Variants in NLRP1 observed in about 807,000 individuals in gnomAD.
The protein encoded by NLRP1 is NACHT, LRR and PYD domains-containing protein 1.
NLRP1 carries 94 observed loss-of-function variants against 136.7 expected under a neutral mutation model. The ratio of observed to expected loss-of-function variants is 0.69; its 90% confidence interval spans 0.58 to 0.82. The LOEUF (loss-of-function observed/expected upper bound fraction) is 0.82. Among genes scored for constraint, NLRP1 ranks in the 40% least tolerant of loss-of-function variants. The pLI, the probability that NLRP1 is intolerant of heterozygous loss-of-function variation, is 0.00. For synonymous variants in NLRP1, 690 were observed against 725.1 expected (o/e 0.95, Z 0.78); for missense variants, 1,575 against 1,802.7 (o/e 0.87, Z 2.29).
At chr17:5,520,675 C>A (rs1265453833) in intron 14 of NLRP1, among the ~76,000 whole-genome samples, 2 of 152,340 alleles carry the variant, frequency 1.3e-5, no homozygotes, top group South Asian at 4.1e-4. Flanking sequence ...CCCCATCATC[C>A]TTCACATCCT....
intron 5 of NLRP1, among the ~76,000 whole-genome samples, chr17:5,545,135 G>C (rs1322546460): frequency 6.6e-6 from 1 of 152,056 alleles, no homozygotes; most frequent in Non-Finnish European, 1.5e-5. Context: ...AGGAATTTAA[G>C]GTCAGCTGCA....
chr17:5,556,227 C>T (rs886709543), intron 4 of NLRP1, among the ~76,000 whole-genome samples: 1 of 151,896 alleles, frequency 6.6e-6, no homozygotes, highest in Non-Finnish European at 1.5e-5. Context: ...AGGTGAGCAG[C>T]TTGCTTGAGC....
chr17:5,579,551 G>C (rs1322112672), intron 3 of NLRP1, among the ~76,000 whole-genome samples: 1 of 152,168 alleles, frequency 6.6e-6, no homozygotes, highest in African/African-American at 2.4e-5. Context: ...AAAGAACTCT[G>C]AACTATCATT....
At chr17:5,521,378 G>A (rs1908878266) in intron 13 of NLRP1, 146 bp downstream of exon 13, 1 of 785,686 alleles carries the variant, frequency 1.3e-6, no homozygotes, top group Non-Finnish European at 2.1e-6. Context: ...ACTGAGAGGG[G>A]ACGAATTGTT....
chr17:5,559,078 G>GA lies in NLRP1; in HGVS notation c.1617_1618insT (p.Leu540SerfsTer38). 3 of 1,614,188 alleles carry GA rather than the reference G, an allele frequency of 1.9e-6. No homozygotes were observed. The highest frequency in any genetic ancestry group is 2.5e-6 in the Non-Finnish European group (3 of 1,180,034). Reference sequence around the variant, plus strand: ...GTGGTGGTCTTGGAAGTCAGTGTGAGTTTTTCCTTCCGCTTCATCTGCTGC... The same window carrying GA: ...GTGGTGGTCTTGGAAGTCAGTGTGAGATTTTTCCTTCCGCTTCATCTGCTGC... On this transcript the variant is annotated frameshift_variant, in exon 4 of 17. Transcript: ENST00000572272. LOFTEE classifies it high-confidence loss of function.
At chr17:5,539,229 C>G (rs926137715) in intron 7 of NLRP1, among the ~76,000 whole-genome samples, 186 bp downstream of exon 7, 5 of 152,196 alleles carry the variant, frequency 3.3e-5, no homozygotes, top group African/African-American at 1.2e-4. Context: ...GTATGATACT[C>G]CCATTCCACA....
chr17:5,571,030 T>C (rs1357774930), intron 3 of NLRP1, among the ~76,000 whole-genome samples: 7 of 152,182 alleles, frequency 4.6e-5, no homozygotes, highest in Admixed American at 4.6e-4. Context: ...TCTCAATAGA[T>C]GCAGAAAAAG....
At chr17:5,560,774 A>G (rs1402403799) in intron 3 of NLRP1, among the ~76,000 whole-genome samples, 2 of 152,094 alleles carry the variant, frequency 1.3e-5, no homozygotes, top group Non-Finnish European at 2.9e-5. Flanking sequence ...TCCCCGCCTC[A>G]CCATTCTCTC....
At chr17:5,509,302 A>G (rs1907507788), downstream of NLRP1, among the ~76,000 whole-genome samples, 1 of 152,122 alleles carries the variant, frequency 6.6e-6, no homozygotes, top group Non-Finnish European at 1.5e-5. Flanking sequence ...CTGACACAAC[A>G]CAGGTAATCA....
intron 14 of NLRP1, among the ~76,000 whole-genome samples, chr17:5,520,667 C>T (rs1212147441): frequency 6.6e-6 from 1 of 152,204 alleles, no homozygotes; most frequent in Non-Finnish European, 1.5e-5. Context: ...AAGTCAAACC[C>T]CATCATCCTT....
At position 5,581,992 on chromosome 17, in the gene NLRP1, T is replaced by C; in HGVS notation, c.519A>G (p.Ser173=). The C allele has an allele frequency of 1.2e-6, 2 of 1,613,660 alleles. No homozygotes were observed. Among genetic ancestry groups the C allele is most frequent in the Non-Finnish European group, 1.7e-6 (2 of 1,179,852 alleles). Residue 173 remains serine, a synonymous_variant, in exon 3 of 17, where the codon TCA becomes TCG. Transcript: ENST00000572272. ...CTGCTGTGGATGTGGGGGCGTTGGGTGACTCCTGGCTTGGAGACTCATGGT... is the reference window on the plus strand; with the variant it reads ...CTGCTGTGGATGTGGGGGCGTTGGGCGACTCCTGGCTTGGAGACTCATGGT... ...SPDHESPSQE[S]PNAPTSTAVL... is the part of the protein sequence containing the mutation.
At chr17:5,567,485 T>C (rs1915461411) in intron 3 of NLRP1, among the ~76,000 whole-genome samples, 1 of 152,086 alleles carries the variant, frequency 6.6e-6, no homozygotes, top group Non-Finnish European at 1.5e-5. Context: ...CTTTTTAAAC[T>C]TTTTGTTGTT....
At chr17:5,536,965 C>A in intron 7 of NLRP1, 25 bp from the exon 8 acceptor site, 3 of 1,550,536 alleles carry the variant, frequency 1.9e-6, no homozygotes, top group Non-Finnish European at 1.8e-6. Context: ...GGAGCCGGGT[C>A]CTCCTGGGAT....
At position 5,558,965 on chromosome 17, in the gene NLRP1, C is replaced by T. The variant is rs1168731027; in HGVS notation, c.1731G>A (p.Glu577=). The part of the protein sequence containing the change: ...QLRDLCSLAA[E]GIWQKKTLFS... Reference sequence around the variant, plus strand: ...AAAGGGTCTTTTTTTGCCAGATGCCCTCAGCAGCCAGAGAGCAGAGGTCTC... The same window carrying T: ...AAAGGGTCTTTTTTTGCCAGATGCCTTCAGCAGCCAGAGAGCAGAGGTCTC... Residue 577 remains glutamate (E), a synonymous_variant, in exon 4 of 17, where the codon GAG becomes GAA. Transcript: ENST00000572272. 6.2e-7 allele frequency: 1 copy of T among 1,614,126 alleles called. No individual in the cohort carries two copies. The highest frequency in any genetic ancestry group is 8.5e-7 in the Non-Finnish European group (1 of 1,180,014).
chr17:5,536,157 T>TTG (rs1424099034), intron 8 of NLRP1, among the ~76,000 whole-genome samples: 1 of 152,084 alleles, frequency 6.6e-6, no homozygotes, highest in African/African-American at 2.4e-5. Context: ...GTTCTTTTTT[T>TTG]TTTCTTTTTG....
At position 5,502,359 on chromosome 17, in the gene NLRP1, G is replaced by A. The variant is rs138842620; in HGVS notation, c.4070-487C>T. The A allele has an allele frequency of 5.1e-3, 850 of 165,464 alleles. 3 individuals are homozygous for A. Among genetic ancestry groups the A allele is most frequent in the Non-Finnish European group, 8.5e-3 (642 of 75,974 alleles). 10.2% of individuals were successfully genotyped at this position (165,464 alleles called of 1,614,324 possible). A position where few individuals can be genotyped will look rare whatever the true frequency, so the allele number is the denominator to read the frequency against. On this transcript the variant is annotated intron_variant, in intron 15 of 15. Coordinates refer to the NLRP1 transcript ENST00000262467. ...GGCTGGAGTGCAGTGGAGCGGTCTCGGCTCACTGCAACCTCTGCCTCCCAG... is the reference window on the plus strand; with the variant it reads ...GGCTGGAGTGCAGTGGAGCGGTCTCAGCTCACTGCAACCTCTGCCTCCCAG...
intron 5 of NLRP1, among the ~76,000 whole-genome samples, chr17:5,552,084 C>CTTTTTTT (rs71151872): frequency 1.0e-5 from 1 of 96,674 alleles, no homozygotes; most frequent in Non-Finnish European, 1.8e-5. Flanking sequence ...TCTATCTTTC[C>CTTTTTTT]TTTTTTTTTT....
At chr17:5,580,293 CA>C in intron 3 of NLRP1, among the ~76,000 whole-genome samples, 1 of 151,892 alleles carries the variant, frequency 6.6e-6, no homozygotes, top group African/African-American at 2.4e-5. Context: ...CAAAAACAAA[CA>C]AAAAACCCAA....
rs1906028642 is a variant in NLRP1, at chr17:5,584,153, G to A, written c.-196C>T. The A allele has an allele frequency of 4.9e-6, 3 of 615,202 alleles. No homozygotes were observed. Among genetic ancestry groups the A allele is most frequent in the South Asian group, 2.0e-5 (1 of 49,524 alleles). 38.1% of individuals were successfully genotyped at this position (615,202 alleles called of 1,614,324 possible). ...GGAGTGGTAGGAAAAGCCAGGGGAG[G>A]GAGGAGCCCAGAGGGGCCTGCAAGA... is the stretch of plus-strand genomic sequence containing the variant. On this transcript the variant is annotated 5_prime_UTR_variant, in exon 1 of 17. Coordinates refer to ENST00000572272, the MANE Select transcript of NLRP1 (RefSeq NM_033004.4).
Sources: gnomAD v4.1 joint callset for allele counts (sites outside exome capture counted in the v4.1 genomes callset) on GRCh38, gnomAD v4.1.1 for gene constraint, MANE v1.5 for transcripts, NCBI Gene and HGNC (gene_info 2026-07-23, HGNC 2026-07-21) for gene names.